NEGR1: variants seen among roughly 807,000 people sequenced by gnomAD.
NEGR1 encodes the protein neuronal growth regulator 1.
In NEGR1, 10 loss-of-function variants were observed where a neutral mutation model predicts 40.9. That is an observed-to-expected ratio of 0.24 (90% CI 0.15 to 0.42). The LOEUF (loss-of-function observed/expected upper bound fraction) is 0.42, where lower values mean the gene tolerates loss of function less well. Among genes scored for constraint, NEGR1 ranks in the 10% least tolerant of loss-of-function variants. The probability of loss-of-function intolerance (pLI) is 1.00; values close to 1 mark genes in which losing one functional copy is unlikely to be tolerated. For synonymous variants in NEGR1, 185 were observed against 166.8 expected, an observed-to-expected ratio of 1.11 and a Z score of -0.84; for missense variants, 352 against 438.9, an observed-to-expected ratio of 0.80 and a Z score of 1.77.
intron 1 of NEGR1, among the ~76,000 whole-genome samples, chr1:72,039,085 A>C (rs903873887): frequency 3.9e-5 from 6 of 152,012 alleles, no homozygotes; most frequent in African/African-American, 1.4e-4. Flanking sequence ...GCCATTTTAA[A>C]CCTACAGAAC....
At chr1:71,903,044 A>C (rs1195640849) in intron 2 of NEGR1, among the ~76,000 whole-genome samples, 1 of 135,012 alleles carries the variant, frequency 7.4e-6, no homozygotes, top group African/African-American at 2.7e-5. Flanking sequence ...AAATCTATAA[A>C]ATTCAGTTTT....
chr1:71,448,250 C>CAG (rs1248229556), intron 6 of NEGR1, among the ~76,000 whole-genome samples: 1 of 147,542 alleles, frequency 6.8e-6, no homozygotes, highest in South Asian at 2.1e-4. Context: ...AAAAAAGACA[C>CAG]AGAGAGAGAG....
At chr1:71,782,991 ATT>A (rs57359688) in intron 2 of NEGR1, among the ~76,000 whole-genome samples, 57 of 146,514 alleles carry the variant, frequency 3.9e-4, no homozygotes, top group African/African-American at 1.4e-3. Context: ...TGGTCTCAGT[ATT>A]TTTTTTTTTT....
chr1:71,639,084 A>G (rs922209294), intron 4 of NEGR1, among the ~76,000 whole-genome samples: 1 of 152,092 alleles, frequency 6.6e-6, no homozygotes, highest in Non-Finnish European at 1.5e-5. Flanking sequence ...GTGTCAAAGG[A>G]GCACACATTG....
At chr1:71,585,554 C>T (rs1311070579) in intron 6 of NEGR1, among the ~76,000 whole-genome samples, 1 of 152,060 alleles carries the variant, frequency 6.6e-6, no homozygotes, top group Non-Finnish European at 1.5e-5. Context: ...CCTTTCCCTT[C>T]CAAATTTACT....
chr1:72,081,897 C>T (rs1237252421), intron 1 of NEGR1, among the ~76,000 whole-genome samples: 2 of 152,070 alleles, frequency 1.3e-5, no homozygotes, highest in African/African-American at 2.4e-5. Flanking sequence ...TACTAGATGT[C>T]TCTGAAACTT....
chr1:71,418,050 G>A (rs950322302), intron 6 of NEGR1, among the ~76,000 whole-genome samples: 3 of 146,868 alleles, frequency 2.0e-5, no homozygotes, highest in East Asian at 2.0e-4. Flanking sequence ...TATTCCCCAC[G>A]TACTATTCTG....
intron 1 of NEGR1, among the ~76,000 whole-genome samples, chr1:72,194,193 T>C (rs1283866024): frequency 6.6e-6 from 1 of 151,874 alleles, no homozygotes; most frequent in Non-Finnish European, 1.5e-5. Flanking sequence ...TACTTCTCTG[T>C]GTATGTGAAA....
chr1:71,536,066 A>G (rs1306819456), intron 6 of NEGR1, among the ~76,000 whole-genome samples: 2 of 151,748 alleles, frequency 1.3e-5, no homozygotes, highest in Non-Finnish European at 2.9e-5. Context: ...GAAATTAAGC[A>G]GACTGTTAGA....
intron 2 of NEGR1, among the ~76,000 whole-genome samples, chr1:71,826,146 G>T (rs1198705775): frequency 6.6e-6 from 1 of 151,744 alleles, no homozygotes; most frequent in African/African-American, 2.4e-5. Flanking sequence ...ATCTAAAATT[G>T]TTTGGATTTT....
chr1:71,572,907 T>C (rs1285366579), intron 6 of NEGR1, among the ~76,000 whole-genome samples: 3 of 152,164 alleles, frequency 2.0e-5, no homozygotes, highest in African/African-American at 7.2e-5. Flanking sequence ...CTTCCTAATA[T>C]CATCTTGAAA....
chr1:71,549,084 C>A (rs995416957), intron 6 of NEGR1, among the ~76,000 whole-genome samples: 5 of 151,634 alleles, frequency 3.3e-5, no homozygotes, highest in Non-Finnish European at 5.9e-5. Context: ...TTCAGAGAAA[C>A]CATCTGTGTC....
chr1:72,106,444 T>G (rs964129161), intron 1 of NEGR1, among the ~76,000 whole-genome samples: 1 of 152,014 alleles, frequency 6.6e-6, no homozygotes, highest in Non-Finnish European at 1.5e-5. Flanking sequence ...TAGGAAAAAC[T>G]TCAGTAGATA....
At chr1:72,260,315 T>A (rs893043982) in intron 1 of NEGR1, among the ~76,000 whole-genome samples, 26 of 152,220 alleles carry the variant, frequency 1.7e-4, no homozygotes, top group African/African-American at 5.8e-4. Context: ...TCTCTATTGA[T>A]AAGCCCAATT....
chr1:72,022,061 G>C (rs2100421939), intron 1 of NEGR1, among the ~76,000 whole-genome samples: 1 of 151,992 alleles, frequency 6.6e-6, no homozygotes, highest in Admixed American at 6.6e-5. Flanking sequence ...CGTGAACCCG[G>C]GAGGCGGAGC....
intron 6 of NEGR1, among the ~76,000 whole-genome samples, chr1:71,527,372 T>C (rs916988564): frequency 6.7e-6 from 1 of 149,528 alleles, no homozygotes; most frequent in Non-Finnish European, 1.5e-5. Context: ...CTTCCATTCA[T>C]CCACCATCCA....
At chr1:72,281,572 G>C (rs964371790) in intron 1 of NEGR1, among the ~76,000 whole-genome samples, 9 of 151,760 alleles carry the variant, frequency 5.9e-5, no homozygotes, top group Non-Finnish European at 1.3e-4. Flanking sequence ...CAGGGCACAG[G>C]ATAGGGACAT....
chr1:71,641,796 G>A (rs1166419976), intron 4 of NEGR1, among the ~76,000 whole-genome samples: 3 of 151,942 alleles, frequency 2.0e-5, no homozygotes, highest in Admixed American at 6.6e-5. Flanking sequence ...GCAGCACACG[G>A]CCCCTGTCTG....
rs114343915 is a variant in NEGR1 at position 71,986,750 on chromosome 1, G to A, written c.177-51439C>T. On this transcript the variant is annotated intron_variant, in intron 1 of 6. Coordinates refer to ENST00000357731, the MANE Select transcript of NEGR1 (RefSeq NM_173808.3). ...TGACCAGCCACAGGTGGCTTCACCGGACTGTGTCAGATTTGCAGATTCTCA... is the reference window on the plus strand; with the variant it reads ...TGACCAGCCACAGGTGGCTTCACCGAACTGTGTCAGATTTGCAGATTCTCA... Among the ~76,000 whole-genome samples the A allele has an allele frequency of 6.4e-3, 969 of 152,304 alleles. 15 individuals carry two copies. The highest frequency in any genetic ancestry group is 0.022 in the African/African-American group (926 of 41,556).
Sources: gnomAD v4.1 joint callset for allele counts (sites outside exome capture counted in the v4.1 genomes callset) on GRCh38, gnomAD v4.1.1 for gene constraint, MANE v1.5 for transcripts, NCBI Gene and HGNC (gene_info 2026-07-23, HGNC 2026-07-21) for gene names.